RABGAP1: variants seen among roughly 807,000 people sequenced by gnomAD.
The protein encoded by RABGAP1 is RAB GTPase activating protein 1.
RABGAP1 carries 23 observed loss-of-function variants against 137.6 expected under a neutral mutation model. The ratio of observed to expected loss-of-function variants is 0.17; its 90% CI spans 0.12 to 0.24. RABGAP1 has a LOEUF of 0.24. Among genes scored for constraint, RABGAP1 ranks in the 10% least tolerant of loss-of-function variants. RABGAP1 has a pLI of 1.00. For missense variants in RABGAP1, 906 were observed against 1,275.8 expected, an observed-to-expected ratio of 0.71 and a Z score of 4.42; for synonymous variants, 451 against 450.7, an observed-to-expected ratio of 1.00 and a Z score of -0.01.
chr9:122,974,612 T>TGGGA (rs973383665), intron 2 of RABGAP1, among the ~76,000 whole-genome samples: 1 of 151,924 alleles, frequency 6.6e-6, no homozygotes, highest in African/African-American at 2.4e-5. Context: ...GGTAACATGA[T>TGGGA]GGGACCCTGT....
chr9:123,099,607 T>C, intron 24 of RABGAP1, 58 bp downstream of exon 24: 11 of 1,481,438 alleles, frequency 7.4e-6, no homozygotes, highest in Non-Finnish European at 8.5e-6. Flanking sequence ...TATGGCTGTA[T>C]AAACAGGTTT....
chr9:122,965,524 C>T (rs1430629640), intron 2 of RABGAP1, among the ~76,000 whole-genome samples: 1 of 152,152 alleles, frequency 6.6e-6, no homozygotes, highest in Admixed American at 6.5e-5. Flanking sequence ...GCTGGGATTA[C>T]AGGCATGCAC....
At chr9:122,961,054 G>A (rs902263669) in intron 2 of RABGAP1, among the ~76,000 whole-genome samples, 50 of 152,070 alleles carry the variant, frequency 3.3e-4, no homozygotes, top group Non-Finnish European at 5.9e-5. Context: ...CAACATGCTT[G>A]TAATAGGAGT....
At chr9:123,040,974 C>T (rs1212753268) in intron 13 of RABGAP1, among the ~76,000 whole-genome samples, 1 of 152,106 alleles carries the variant, frequency 6.6e-6, no homozygotes, top group Non-Finnish European at 1.5e-5. Context: ...CTTCATGCTT[C>T]CTAATCCGTT....
chr9:122,943,228 T>C (rs1034731760), intron 1 of RABGAP1, among the ~76,000 whole-genome samples: 3 of 151,780 alleles, frequency 2.0e-5, no homozygotes, highest in Admixed American at 6.6e-5. Context: ...CCACCACGCC[T>C]AGCTAATTTT....
chr9:123,061,745 A>T (rs971953064), intron 13 of RABGAP1: 5 of 152,254 alleles, frequency 3.3e-5, no homozygotes, highest in African/African-American at 1.2e-4. Flanking sequence ...TTCAGAACGT[A>T]ACAACTGACA....
chr9:123,000,978 A>T (rs554888929), intron 10 of RABGAP1, among the ~76,000 whole-genome samples: 14 of 152,220 alleles, frequency 9.2e-5, no homozygotes, highest in African/African-American at 3.4e-4. Flanking sequence ...GTAAAAGCCA[A>T]AGTGCTGGGA....
At chr9:123,100,807 G>A (rs548522057) in intron 24 of RABGAP1, among the ~76,000 whole-genome samples, 1 of 152,196 alleles carries the variant, frequency 6.6e-6, no homozygotes, top group South Asian at 2.1e-4. Context: ...GAGTAAATAA[G>A]GGAAAAAAGC....
chr9:123,092,202 G>T (rs2035051027), intron 21 of RABGAP1, among the ~76,000 whole-genome samples: 4 of 152,178 alleles, frequency 2.6e-5, no homozygotes, highest in Non-Finnish European at 5.9e-5. Flanking sequence ...CCACTAGTGA[G>T]TCGTAGACTA....
intron 2 of RABGAP1, among the ~76,000 whole-genome samples, chr9:122,968,520 G>T (rs1165287331): frequency 6.6e-6 from 1 of 151,988 alleles, no homozygotes; most frequent in African/African-American, 2.4e-5. Flanking sequence ...ACTGTGTGTG[G>T]CACAGTTACA....
At chr9:122,960,074 T>C (rs999673601) in intron 2 of RABGAP1, among the ~76,000 whole-genome samples, 6 of 152,146 alleles carry the variant, frequency 3.9e-5, no homozygotes, top group African/African-American at 1.2e-4. Context: ...CTCTAAAAAA[T>C]AGTGGAGGTT....
At position 122,957,114 on chromosome 9, in the gene RABGAP1, A is replaced by C; in HGVS notation, c.55A>C (p.Thr19Pro). ...KISVSSDSVS[T>P]LNSEDFVLVS... ...CAGTGTCTCTTCAGACTCAGTATCT[A>C]CTCTTAATAGTGAAGATTTTGTCTT... The change falls in exon 2 of 26, where the codon ACT becomes CCT. Residue 19 changes from threonine to proline, a missense_variant. This residue lies in a region of RABGAP1 where 331 missense variants were observed against 358.3 expected (regional missense o/e 0.92). Transcript: ENST00000373647. 1 of 1,569,654 alleles carries C rather than the reference A, an allele frequency of 6.4e-7. No homozygotes were observed. The highest frequency in any genetic ancestry group is 8.7e-7 in the Non-Finnish European group (1 of 1,149,136).
At position 123,098,784 on chromosome 9, in the gene RABGAP1, G is replaced by A. The variant is rs1256990954; in HGVS notation, c.2803G>A (p.Gly935Ser). 2.5e-6 allele frequency: 4 copies of A among 1,613,488 alleles called. No homozygotes were observed. Among genetic ancestry groups the A allele is most frequent in the East Asian group, 2.2e-5 (1 of 44,858 alleles). The change falls in exon 23 of 26, where the codon GGT becomes AGT. Residue 935 changes from glycine to serine, a missense_variant. Physicochemically the swap from Gly to Ser is moderately conservative, Grantham distance 56. Transcript: ENST00000373647. ...GATTAAAAAAAACAGTTCTATCATT[G>A]GTGACTATAAGCAGGTAGGTTCCAG... Reference protein sequence around the residue: ...SEIKKNSSIIGDYKQICSQLS... With the variant: ...SEIKKNSSIISDYKQICSQLS...
chr9:122,980,293 A>C (rs117167532), intron 2 of RABGAP1, among the ~76,000 whole-genome samples: 2 of 152,118 alleles, frequency 1.3e-5, no homozygotes, highest in African/African-American at 4.8e-5. Flanking sequence ...TTTTTGGCTC[A>C]CTGACTCTTT....
intron 13 of RABGAP1, among the ~76,000 whole-genome samples, chr9:123,057,217 G>C (rs548352834): frequency 2.0e-5 from 3 of 151,712 alleles, no homozygotes; most frequent in Non-Finnish European, 4.4e-5. Context: ...CTTCCCAGAC[G>C]GGGTGGCTGC....
chr9:122,974,018 A>AG (rs1328295407), intron 2 of RABGAP1, among the ~76,000 whole-genome samples: 2 of 151,950 alleles, frequency 1.3e-5, no homozygotes, highest in Non-Finnish European at 2.9e-5. Flanking sequence ...ACCAAAAAAA[A>AG]AAAAGAAAAA....
rs1262449430 is a variant in RABGAP1, at chr9:123,034,352, A to G, written c.1794+13893A>G. 1.6e-5 allele frequency: 9 copies of G among 567,714 alleles called. No homozygotes were observed. The East Asian group carries it at 2.0e-4, about 13-fold the overall frequency. 35.2% of individuals were successfully genotyped at this position (567,714 alleles called of 1,614,324 possible). ...GGCCGCGTCTGGGACTGGCCAGACA[A>G]CTGCTGCTGGCTCTCCTTATTCCAG... On this transcript the variant is annotated intron_variant, in intron 13 of 25. Transcript: ENST00000373647.
At chr9:122,978,855 G>C (rs968530801) in intron 2 of RABGAP1, among the ~76,000 whole-genome samples, 4 of 151,212 alleles carry the variant, frequency 2.6e-5, no homozygotes, top group African/African-American at 9.7e-5. Flanking sequence ...TATTGTCAGA[G>C]TTGTTTTGAA....
chr9:122,955,079 A>T (rs914672703), intron 1 of RABGAP1, among the ~76,000 whole-genome samples: 2 of 152,142 alleles, frequency 1.3e-5, no homozygotes, highest in African/African-American at 4.8e-5. Flanking sequence ...AGAGAGGGAG[A>T]TTTTTACATC....
Sources: allele counts gnomAD v4.1 joint callset (sites outside exome capture counted in the v4.1 genomes callset), GRCh38; gene constraint gnomAD v4.1.1; regional missense constraint gnomAD v4.1.1; transcripts MANE v1.5; gene names NCBI Gene and HGNC (gene_info 2026-07-23, HGNC 2026-07-21).